Variants in CDC42BPA observed in about 807,000 individuals in gnomAD.
CDC42BPA encodes serine/threonine-protein kinase MRCK alpha.
A neutral mutation model predicts 223.5 loss-of-function variants in CDC42BPA; 80 were observed. That is an observed-to-expected ratio of 0.36 (90% confidence interval 0.30 to 0.43). The LOEUF (loss-of-function observed/expected upper bound fraction) is 0.43, where lower values mean the gene tolerates loss of function less well. CDC42BPA is among the 20% of genes least tolerant of loss of function. The pLI is 1.00. For synonymous variants in CDC42BPA, 694 were observed against 718.6 expected, an observed-to-expected ratio of 0.97 and a Z score of 0.55; for missense variants, 1,743 against 2,099.9, an observed-to-expected ratio of 0.83 and a Z score of 3.32.
At chr1:227,306,136 T>TG (rs1229836526) in intron 1 of CDC42BPA, among the ~76,000 whole-genome samples, 5 of 75,934 alleles carry the variant, frequency 6.6e-5, no homozygotes, top group Non-Finnish European at 1.3e-4. Flanking sequence ...ATGTTCTAAG[T>TG]GGTTTTTTTT....
chr1:227,032,456 C>A (rs910230995), intron 27 of CDC42BPA, among the ~76,000 whole-genome samples: 2 of 151,846 alleles, frequency 1.3e-5, no homozygotes, highest in African/African-American at 4.8e-5. Context: ...TTTTTAACCT[C>A]TATTGTCTTA....
Position 226,991,867 on chromosome 1 carries a change from A to G in CDC42BPA, c.*2401T>C, listed in dbSNP as rs950444611. The stretch of plus-strand genomic sequence containing the variant: ...AAGCTACAAACTAATGGCTTATGTC[A>G]AGTCCTGTTAATCTCGGCTTGGGAT... On this transcript the variant is annotated 3_prime_UTR_variant, in exon 37 of 37. Transcript: ENST00000366766. The G allele has an allele frequency of 2.6e-5, 4 of 151,316 alleles. No individual in the cohort carries two copies. The East Asian group carries it at 7.8e-4, about 29-fold the overall frequency. 9.4% of individuals were successfully genotyped at this position (151,316 alleles called of 1,614,324 possible).
At chr1:227,010,022 G>C (rs1664860740) in intron 34 of CDC42BPA, among the ~76,000 whole-genome samples, 1 of 152,120 alleles carries the variant, frequency 6.6e-6, no homozygotes. Flanking sequence ...TGGTTTGCAT[G>C]ATACAATATA....
intron 2 of CDC42BPA, among the ~76,000 whole-genome samples, chr1:227,251,786 G>A (rs1682050300): frequency 6.6e-6 from 1 of 152,072 alleles, no homozygotes; most frequent in African/African-American, 2.4e-5. Flanking sequence ...TTTTGAACTT[G>A]ACCTAACTGA....
intron 35 of CDC42BPA, among the ~76,000 whole-genome samples, 168 bp from the exon 36 acceptor site, chr1:226,995,148 A>G (rs1661364196): frequency 6.6e-6 from 1 of 152,110 alleles, no homozygotes; most frequent in Non-Finnish European, 1.5e-5. Context: ...TCAACCCCGA[A>G]TCCAGCAATC....
intron 1 of CDC42BPA, among the ~76,000 whole-genome samples, chr1:227,255,731 G>C (rs1682931533): frequency 6.6e-6 from 1 of 152,082 alleles, no homozygotes; most frequent in African/African-American, 2.4e-5. Context: ...AGTACTTAAA[G>C]ATAAATTTAA....
intron 1 of CDC42BPA, among the ~76,000 whole-genome samples, chr1:227,270,235 G>C (rs146458266): frequency 6.6e-6 from 1 of 152,270 alleles, no homozygotes; most frequent in Non-Finnish European, 1.5e-5. Context: ...TAATGAAAAA[G>C]TTGTACACAT....
At chr1:227,063,072 C>T (rs548629743) in intron 21 of CDC42BPA, among the ~76,000 whole-genome samples, 4 of 152,196 alleles carry the variant, frequency 2.6e-5, no homozygotes, top group East Asian at 1.9e-4. Context: ...AAAGTGTTTA[C>T]TTAGAAATTG....
chr1:227,107,722 A>G (rs575470034), intron 14 of CDC42BPA, among the ~76,000 whole-genome samples: 1 of 152,212 alleles, frequency 6.6e-6, no homozygotes, highest in Admixed American at 6.5e-5. Context: ...TGTGGAGTGC[A>G]GGAGGGTCTG....
At chr1:227,020,798 G>A (rs1294531810) in intron 32 of CDC42BPA, among the ~76,000 whole-genome samples, 1 of 152,154 alleles carries the variant, frequency 6.6e-6, no homozygotes, top group African/African-American at 2.4e-5. Flanking sequence ...TGTTGCAAGA[G>A]GCCTAGCTTG....
intron 2 of CDC42BPA, among the ~76,000 whole-genome samples, chr1:227,218,002 AT>A (rs968523627): frequency 6.6e-5 from 10 of 151,640 alleles, no homozygotes; most frequent in Non-Finnish European, 1.3e-4. Context: ...GAGGGCAGGG[AT>A]TTTTTTTTCC....
intron 14 of CDC42BPA, among the ~76,000 whole-genome samples, chr1:227,106,256 C>T (rs1356969428): frequency 2.0e-5 from 3 of 152,078 alleles, no homozygotes; most frequent in African/African-American, 7.2e-5. Context: ...GGAGAAATGT[C>T]TATTCAAGTC....
intron 14 of CDC42BPA, among the ~76,000 whole-genome samples, chr1:227,110,434 G>A (rs1036286701): frequency 2.0e-5 from 3 of 152,134 alleles, no homozygotes; most frequent in Non-Finnish European, 4.4e-5. Context: ...ACATGATACA[G>A]AGTCTCCAAT....
intron 1 of CDC42BPA, among the ~76,000 whole-genome samples, chr1:227,302,068 G>A (rs1691729805): frequency 6.6e-6 from 1 of 152,096 alleles, no homozygotes; most frequent in South Asian, 2.1e-4. Context: ...TGTCTGTTAT[G>A]GTTCACCTCT....
At chr1:227,269,022 AG>A (rs1044536587) in intron 1 of CDC42BPA, among the ~76,000 whole-genome samples, 8 of 152,188 alleles carry the variant, frequency 5.3e-5, no homozygotes, top group Admixed American at 1.3e-4. Flanking sequence ...GTCTGGTATT[AG>A]AAAAGAGACT....
chr1:226,997,211 C>G (rs149578683), intron 35 of CDC42BPA, among the ~76,000 whole-genome samples: 4,567 of 152,188 alleles, frequency 0.03, 200 homozygotes, highest in African/African-American at 0.1. Context: ...AGGAATTTAT[C>G]CATTTCTTCT....
At chr1:227,248,019 A>C (rs1355332371) in intron 2 of CDC42BPA, among the ~76,000 whole-genome samples, 2 of 152,140 alleles carry the variant, frequency 1.3e-5, no homozygotes, top group Non-Finnish European at 2.9e-5. Flanking sequence ...AGAATTAGTG[A>C]GCTTGAAAAT....
intron 9 of CDC42BPA, among the ~76,000 whole-genome samples, chr1:227,141,917 T>C (rs1254931004): frequency 2.0e-5 from 3 of 152,016 alleles, no homozygotes; most frequent in South Asian, 2.1e-4. Context: ...TATAGTGAGC[T>C]AGGACTGCAC....
Position 227,225,099 on chromosome 1 carries a change from A to G in CDC42BPA, c.271-11880T>C, listed in dbSNP as rs150607007. Reference sequence around the variant, plus strand: ...TGGGGCCATAAGAAATCAGATTTACAAAGAAATATTTCAATACATGGGAAA... The same window carrying G: ...TGGGGCCATAAGAAATCAGATTTACGAAGAAATATTTCAATACATGGGAAA... On this transcript the variant is annotated intron_variant, in intron 2 of 36. Transcript: ENST00000366766. Among the ~76,000 whole-genome samples the G allele has an allele frequency of 3.3e-5, 5 of 152,366 alleles. No individual in the cohort carries two copies. In the East Asian group the frequency reaches 9.6e-4, roughly 29 times the overall value.
Sources: gnomAD v4.1 joint callset for allele counts (sites outside exome capture counted in the v4.1 genomes callset) on GRCh38, gnomAD v4.1.1 for gene constraint, MANE v1.5 for transcripts, NCBI Gene and HGNC (gene_info 2026-07-23, HGNC 2026-07-21) for gene names.